The following SALL3 variants were observed in gnomAD, a reference collection of about 807,000 sequenced individuals.
SALL3 encodes the protein spalt like transcription factor 3, also known as sal-like protein 3.
Under a neutral mutation model 66.2 loss-of-function variants are expected in SALL3, and 25 were observed. That is an observed-to-expected ratio of 0.38 (90% CI 0.28 to 0.53). The LOEUF (loss-of-function observed/expected upper bound fraction) is 0.53. SALL3 is among the 20% of genes least tolerant of loss of function. SALL3 has a pLI of 0.85. For synonymous variants in SALL3, 1,152 were observed against 899.1 expected (o/e 1.28, Z -5.03); for missense variants, 2,194 against 1,916.5 (o/e 1.14, Z -2.70).
Position 78,992,389 on chromosome 18 carries a change from C to G in SALL3, c.398C>G (p.Pro133Arg), listed in dbSNP as rs1568293459. 7.5e-7 allele frequency: 1 copy of G among 1,326,406 alleles called. No homozygotes were observed. 82.2% of individuals were successfully genotyped at this position (1,326,406 alleles called of 1,614,324 possible). A position where few individuals can be genotyped will look rare whatever the true frequency, so the allele number is the denominator to read the frequency against. Reference sequence around the variant, plus strand: ...AGGCCGGTGGAGAAGGAGGCCGAGCCCATGGACGCGGAACCCGCGGGGGAC... The same window carrying G: ...AGGCCGGTGGAGAAGGAGGCCGAGCGCATGGACGCGGAACCCGCGGGGGAC... ...EARPVEKEAE[P>R]MDAEPAGDTR... Residue 133 changes from proline (P) to arginine (R), a missense_variant, in exon 2 of 3, where the codon CCC becomes CGC. Physicochemically the swap from Pro to Arg is moderately radical, Grantham distance 103. Transcript: ENST00000537592.
Position 78,994,082 on chromosome 18 carries a change from C to T in SALL3, c.2091C>T (p.His697=). 1 of 1,612,992 alleles carries T rather than the reference C, an allele frequency of 6.2e-7. No individual in the cohort carries two copies. The highest frequency in any genetic ancestry group is 1.1e-5 in the South Asian group (1 of 91,074). ...GCTGCCAGAGCGCGCTGAAGATGCA[C>T]TACCGGACGCACACGGGGGAGCGGC... is the stretch of plus-strand genomic sequence containing the variant. ...VLSCQSALKM[H]YRTHTGERPF... The change falls in exon 2 of 3, where the codon CAC becomes CAT. Residue 697 remains histidine (H), a synonymous_variant. Transcript: ENST00000537592.
intron 1 of SALL3, among the ~76,000 whole-genome samples, chr18:78,981,063 C>G (rs757485485): frequency 1.3e-4 from 20 of 152,222 alleles, no homozygotes; most frequent in Non-Finnish European, 2.6e-4. Context: ...TTTTTGGATC[C>G]GCCGAGGCCG....
chr18:78,981,273 G>A (rs1447896176), intron 1 of SALL3, among the ~76,000 whole-genome samples: 3 of 152,214 alleles, frequency 2.0e-5, no homozygotes, highest in Admixed American at 2.0e-4. Flanking sequence ...CGGCGCCCGG[G>A]CTTCGGCGCG....
Position 78,993,439 on chromosome 18 carries a change from C to A in SALL3, c.1448C>A (p.Pro483Gln). 6.2e-7 allele frequency: 1 copy of A among 1,613,024 alleles called. No homozygotes were observed. Among genetic ancestry groups the A allele is most frequent in the Non-Finnish European group, 8.5e-7 (1 of 1,179,960 alleles). Residue 483 changes from proline (P) to glutamine (Q), a missense_variant, in exon 2 of 3, where the codon CCG becomes CAG. Physicochemically the swap from Pro to Gln is moderately conservative, Grantham distance 76 (BLOSUM62 -1). Coordinates refer to ENST00000537592, the MANE Select transcript of SALL3 (RefSeq NM_171999.4). Reference protein sequence around the residue: ...KYPHIQMNPYPVPEYLDNVPT... With the variant: ...KYPHIQMNPYQVPEYLDNVPT... ...CCCCACATCCAGATGAACCCTTACC[C>A]GGTCCCCGAGTACCTGGACAACGTG... is the stretch of plus-strand genomic sequence containing the variant.
rs914442068 is a variant in SALL3, at chr18:78,994,844, T to G, written c.2853T>G (p.Pro951=). The G allele has an allele frequency of 3.8e-6, 6 of 1,598,410 alleles. No homozygotes were observed. The African/African-American group carries it at 8.0e-5, about 21-fold the overall frequency. ...PAAAPGSGGA[P]GRAGIKEEAP... ...CCGCCCCGGGCAGCGGAGGCGCCCC[T>G]GGCCGCGCGGGCATCAAGGAGGAGG... The change falls in exon 2 of 3, where the codon CCT becomes CCG. Residue 951 remains proline, a synonymous_variant. Coordinates refer to ENST00000537592, the MANE Select transcript of SALL3 (RefSeq NM_171999.4).
In SALL3 at chr18:78,997,332, C is replaced by A. The variant is rs372682650; in HGVS notation, c.*10C>A. ...GATTGGTATCAACTAGCCAGTGACTCGCTCATCTGCCCTGCCCAGGCCCAC... is the reference window on the plus strand; with the variant it reads ...GATTGGTATCAACTAGCCAGTGACTAGCTCATCTGCCCTGCCCAGGCCCAC... On this transcript the variant is annotated 3_prime_UTR_variant, in exon 3 of 3. Transcript: ENST00000537592. The A allele has an allele frequency of 3.1e-6, 5 of 1,608,344 alleles. No individual in the cohort carries two copies. The Admixed American group carries it at 8.4e-5, about 27-fold the overall frequency.
At position 78,993,034 on chromosome 18, in the gene SALL3, CG is replaced by C; in HGVS notation, c.1047del (p.Ser350ProfsTer45). Reference protein sequence around the residue: ...QSASTPPALAPGSLLGAAPGL... With the variant: ...QSASTPPALAXGSLLGAAPGL... ...GCATCCACGCCGCCTGCCCTGGCCCCGGGGTCCCTGCTGGGTGCGGCGCCCG... is the reference window on the plus strand; with the variant it reads ...GCATCCACGCCGCCTGCCCTGGCCCCGGGTCCCTGCTGGGTGCGGCGCCCG... On this transcript the variant is annotated frameshift_variant, in exon 2 of 3. Transcript: ENST00000537592. LOFTEE classifies it high-confidence loss of function. 1 of 1,570,926 alleles carries C rather than the reference CG, an allele frequency of 6.4e-7. No homozygotes were observed.
chr18:78,983,814 G>A (rs752543106), intron 1 of SALL3, among the ~76,000 whole-genome samples: 2 of 152,158 alleles, frequency 1.3e-5, no homozygotes, highest in African/African-American at 4.8e-5. Flanking sequence ...AAACATGAAA[G>A]GTAAAAAGTA....
chr18:78,980,458 G>C (rs1913996379), intron 1 of SALL3, 102 bp downstream of exon 1: 1 of 669,162 alleles, frequency 1.5e-6, no homozygotes, highest in Admixed American at 5.0e-5. Flanking sequence ...GGGAGCGGGA[G>C]AAAGTTCCCT....
chr18:78,983,334 T>C (rs1350605300), intron 1 of SALL3, among the ~76,000 whole-genome samples: 2 of 152,238 alleles, frequency 1.3e-5, no homozygotes, highest in East Asian at 1.9e-4. Flanking sequence ...GACAGTTATA[T>C]GCCCACTAAG....
chr18:78,980,220 C>T lies in SALL3; in HGVS notation c.-55C>T. ...GCCAGGCCGCCCCGCGCCGTCCCCG[C>T]CGGCCGCCCCGCTGATGCCGCTGCC... On this transcript the variant is annotated 5_prime_UTR_variant, in exon 1 of 3. Coordinates refer to ENST00000537592, the MANE Select transcript of SALL3 (RefSeq NM_171999.4). 1 of 929,104 alleles carries T rather than the reference C, an allele frequency of 1.1e-6. No homozygotes were observed. Among genetic ancestry groups the T allele is most frequent in the Non-Finnish European group, 1.3e-6 (1 of 776,626 alleles). The allele number at this position is 929,104 out of a possible 1,614,324, so 57.6% of individuals were successfully genotyped here.
chr18:78,994,167 T>C lies in SALL3; in HGVS notation c.2176T>C (p.Phe726Leu). 1 of 1,613,190 alleles carries C rather than the reference T, an allele frequency of 6.2e-7. No individual in the cohort carries two copies. The highest frequency in any genetic ancestry group is 8.5e-7 in the Non-Finnish European group (1 of 1,179,974). Reference protein sequence around the residue: ...FTTKGNLKTHFGVHRAKPPLR... With the variant: ...FTTKGNLKTHLGVHRAKPPLR... The stretch of plus-strand genomic sequence containing the variant: ...CACCAAGGGCAACCTCAAGACGCAC[T>C]TCGGCGTGCACCGTGCAAAGCCGCC... The change falls in exon 2 of 3, where the codon TTC (phenylalanine) becomes CTC (leucine). Residue 726 changes from phenylalanine to leucine, a missense_variant. Coordinates refer to ENST00000537592, the MANE Select transcript of SALL3 (RefSeq NM_171999.4).
At position 78,997,353 on chromosome 18, in the gene SALL3, C is replaced by G; in HGVS notation, c.*31C>G. The G allele has an allele frequency of 6.3e-7, 1 of 1,587,614 alleles. No individual in the cohort carries two copies. The highest frequency in any genetic ancestry group is 8.6e-7 in the Non-Finnish European group (1 of 1,162,370). On this transcript the variant is annotated 3_prime_UTR_variant, in exon 3 of 3. Transcript: ENST00000537592. ...GACTCGCTCATCTGCCCTGCCCAGG[C>G]CCACGTTTTGAAGTTGGAGCATCAG...
Position 78,980,172 on chromosome 18 carries a change from C to G in SALL3, c.-103C>G. 1 of 262,474 alleles carries G rather than the reference C, an allele frequency of 3.8e-6. No homozygotes were observed. Among genetic ancestry groups the G allele is most frequent in the South Asian group, 1.4e-4 (1 of 7,350 alleles). 16.3% of individuals were successfully genotyped at this position (262,474 alleles called of 1,614,324 possible). The stretch of plus-strand genomic sequence containing the variant: ...GCGCGGCCCGCGCAGCCGCCGCCGC[C>G]CCGCGCCCCGCGCCGCGCGCCCGCC... On this transcript the variant is annotated 5_prime_UTR_variant, in exon 1 of 3. Coordinates refer to ENST00000537592, the MANE Select transcript of SALL3 (RefSeq NM_171999.4).
chr18:78,997,543 C>A lies in SALL3; in HGVS notation c.*221C>A. The A allele has an allele frequency of 1.3e-5, 6 of 456,274 alleles. No homozygotes were observed. Among genetic ancestry groups the A allele is most frequent in the South Asian group, 8.1e-5 (2 of 24,842 alleles). The allele number at this position is 456,274 out of a possible 1,614,324, so 28.3% of individuals were successfully genotyped here. On this transcript the variant is annotated 3_prime_UTR_variant, in exon 3 of 3. Coordinates refer to ENST00000537592, the MANE Select transcript of SALL3 (RefSeq NM_171999.4). Reference sequence around the variant, plus strand: ...TGCAATCTTTTAAATAAGCTTCCTTCAAAAAAAAAAGTGCTTGGAAAACCG... The same window carrying A: ...TGCAATCTTTTAAATAAGCTTCCTTAAAAAAAAAAAGTGCTTGGAAAACCG...
At position 78,980,252 on chromosome 18, in the gene SALL3, G is replaced by C; in HGVS notation, c.-23G>C. The C allele has an allele frequency of 8.2e-7, 1 of 1,215,068 alleles. No individual in the cohort carries two copies. The highest frequency in any genetic ancestry group is 1.0e-6 in the Non-Finnish European group (1 of 958,634). 75.3% of individuals were successfully genotyped at this position (1,215,068 alleles called of 1,614,324 possible). ...CCCCGCTGATGCCGCTGCCCCGCGC[G>C]GGGCCCGAGCGCCGCTAGCAGCATG... On this transcript the variant is annotated 5_prime_UTR_variant, in exon 1 of 3. Transcript: ENST00000537592.
rs1033623126 is a variant in SALL3 at position 78,994,561 on chromosome 18, A to G, written c.2570A>G (p.Gln857Arg). ...ATGATCGACTCGGTCATGAGCTGCCAGCAGCTGACCGGCCTCAAGTCCGTG... is the reference window on the plus strand; with the variant it reads ...ATGATCGACTCGGTCATGAGCTGCCGGCAGCTGACCGGCCTCAAGTCCGTG... ...MKMIDSVMSC[Q>R]QLTGLKSVEN... The change falls in exon 2 of 3, where the codon CAG becomes CGG. Residue 857 changes from glutamine (Q) to arginine (R), a missense_variant. By Grantham distance (43) the Gln-to-Arg change is conservative. Transcript: ENST00000537592. 7 of 1,522,838 alleles carry G rather than the reference A, an allele frequency of 4.6e-6. No individual in the cohort carries two copies. The highest frequency in any genetic ancestry group is 3.5e-4 in the Middle Eastern group (2 of 5,692). The allele number at this position is 1,522,838 out of a possible 1,614,324, so 94.3% of individuals were successfully genotyped here.
chr18:78,992,773 T>A lies in SALL3; in HGVS notation c.782T>A (p.Leu261Gln). 1 of 1,031,954 alleles carries A rather than the reference T, an allele frequency of 9.7e-7. No individual in the cohort carries two copies. Among genetic ancestry groups the A allele is most frequent in the Non-Finnish European group, 1.2e-6 (1 of 861,124 alleles). The allele number at this position is 1,031,954 out of a possible 1,614,324, so 63.9% of individuals were successfully genotyped here. Reference protein sequence around the residue: ...PGPAPSQLPGLAALPLSAGAP... With the variant: ...PGPAPSQLPGQAALPLSAGAP... The stretch of plus-strand genomic sequence containing the variant: ...CCGGCCCCCAGCCAGCTGCCCGGGC[T>A]GGCCGCGCTCCCGCTGTCGGCCGGG... The change falls in exon 2 of 3, where the codon CTG (leucine) becomes CAG (glutamine). Residue 261 changes from leucine to glutamine, a missense_variant. Transcript: ENST00000537592.
chr18:78,991,988 TA>T, intron 1 of SALL3, 85 bp from the exon 2 acceptor site: 6 of 1,156,746 alleles, frequency 5.2e-6, no homozygotes, highest in African/African-American at 1.6e-5. Flanking sequence ...TTGTACAAAA[TA>T]AAAAATATTG....
Sources: allele counts gnomAD v4.1 joint callset (sites outside exome capture counted in the v4.1 genomes callset), GRCh38; gene constraint gnomAD v4.1.1; transcripts MANE v1.5; gene names NCBI Gene and HGNC (gene_info 2026-07-23, HGNC 2026-07-21).